Variants in ENAH observed in about 807,000 individuals in gnomAD.
The protein encoded by ENAH is protein enabled homolog.
ENAH carries 23 observed loss-of-function variants against 78.7 expected under a neutral mutation model. The observed-to-expected ratio is 0.29, with a 90% CI of 0.21 to 0.41. The LOEUF is 0.41. ENAH is among the 10% of genes least tolerant of loss of function. The pLI is 1.00. For missense variants in ENAH, 544 were observed against 691.0 expected (o/e 0.79, Z 2.39); for synonymous variants, 226 against 241.0 (o/e 0.94, Z 0.58).
rs747838323 is a variant in ENAH, at chr1:225,507,930, C to T, written c.1538+21G>A. 5.3e-6 allele frequency: 8 copies of T among 1,502,352 alleles called. No individual in the cohort carries two copies. In the African/African-American group the frequency reaches 1.1e-4, roughly 22 times the overall value. 93.1% of individuals were successfully genotyped at this position (1,502,352 alleles called of 1,614,324 possible). A position where few individuals can be genotyped will look rare whatever the true frequency, so the allele number is the denominator to read the frequency against. ...TTTTTTATACAAATAAAATATAAAA[C>T]TTAGAGAAAAAAATTGATACCTGGA... is the stretch of plus-strand genomic sequence containing the variant. On this transcript the variant is annotated intron_variant, in intron 11 of 13. Coordinates refer to ENST00000366843, the MANE Select transcript of ENAH (RefSeq NM_018212.6).
chr1:225,523,468 A>G (rs2096484546), intron 4 of ENAH, among the ~76,000 whole-genome samples: 1 of 152,080 alleles, frequency 6.6e-6, no homozygotes, highest in African/African-American at 2.4e-5. Context: ...GATATAGGAA[A>G]AGGACACAAT....
At chr1:225,555,478 A>G (rs1313697526) in intron 2 of ENAH, among the ~76,000 whole-genome samples, 2 of 151,948 alleles carry the variant, frequency 1.3e-5, no homozygotes, top group Non-Finnish European at 2.9e-5. Flanking sequence ...GCTACTCGGG[A>G]GGCTGAGGCA....
At chr1:225,559,732 G>A (rs2096689991) in intron 2 of ENAH, among the ~76,000 whole-genome samples, 1 of 152,102 alleles carries the variant, frequency 6.6e-6, no homozygotes, top group Non-Finnish European at 1.5e-5. Context: ...GAGACACAGA[G>A]AAATAAAAAA....
intron 1 of ENAH, among the ~76,000 whole-genome samples, chr1:225,609,656 ATTTTTTTT>A (rs59508510): frequency 5.2e-5 from 4 of 76,482 alleles, no homozygotes; most frequent in South Asian, 5.0e-4. Flanking sequence ...GGAAAAATGG[ATTTTTTTT>A]TTTTTTTTTT....
chr1:225,631,575 C>CAAA (rs397939130), intron 1 of ENAH, among the ~76,000 whole-genome samples: 17 of 71,472 alleles, frequency 2.4e-4, no homozygotes, highest in African/African-American at 3.0e-4. Flanking sequence ...CACCATCTCT[C>CAAA]AAAAAAAAAA....
At chr1:225,650,072 A>T (rs1575877514) in intron 1 of ENAH, among the ~76,000 whole-genome samples, 1 of 152,346 alleles carries the variant, frequency 6.6e-6, no homozygotes, top group East Asian at 1.9e-4. Flanking sequence ...AATATCCCAA[A>T]GAATATTCCA....
chr1:225,610,103 G>A (rs754773369), intron 1 of ENAH, among the ~76,000 whole-genome samples: 1 of 151,094 alleles, frequency 6.6e-6, no homozygotes, highest in African/African-American at 2.4e-5. Context: ...TTTAATTACA[G>A]AGGAAAGTAT....
At chr1:225,598,704 A>G (rs551850433) in intron 1 of ENAH, among the ~76,000 whole-genome samples, 18 of 152,284 alleles carry the variant, frequency 1.2e-4, no homozygotes, top group Non-Finnish European at 2.2e-4. Flanking sequence ...AAGAATGGGA[A>G]AAGGTGTAAA....
intron 4 of ENAH, among the ~76,000 whole-genome samples, chr1:225,525,492 G>C (rs2096496551): frequency 1.3e-5 from 2 of 152,142 alleles, no homozygotes; most frequent in Admixed American, 6.6e-5. Flanking sequence ...CCACGGTCAG[G>C]TTTTTCTATT....
intron 1 of ENAH, among the ~76,000 whole-genome samples, chr1:225,597,748 A>G (rs533257032): frequency 3.7e-4 from 56 of 152,234 alleles, no homozygotes; most frequent in African/African-American, 1.3e-3. Context: ...AAAACAAAAA[A>G]GAGTATTTTT....
intron 1 of ENAH, among the ~76,000 whole-genome samples, chr1:225,590,560 T>C (rs1438061541): frequency 6.6e-6 from 1 of 152,170 alleles, no homozygotes. Flanking sequence ...TACTTAGATA[T>C]CATACATACC....
At chr1:225,543,972 CAG>C (rs2096601439) in intron 3 of ENAH, among the ~76,000 whole-genome samples, 2 of 152,136 alleles carry the variant, frequency 1.3e-5, no homozygotes, top group African/African-American at 4.8e-5. Flanking sequence ...GGCGACCTGA[CAG>C]GGCACCATCA....
chr1:225,579,227 C>CTA (rs1303045823), intron 1 of ENAH, among the ~76,000 whole-genome samples: 1 of 152,182 alleles, frequency 6.6e-6, no homozygotes, highest in Non-Finnish European at 1.5e-5. Flanking sequence ...AAGATTCTGA[C>CTA]TATAAACTAT....
intron 4 of ENAH, among the ~76,000 whole-genome samples, chr1:225,527,266 C>CT (rs1463231211): frequency 6.6e-6 from 1 of 152,300 alleles, no homozygotes; most frequent in Admixed American, 6.5e-5. Flanking sequence ...TTTCACTCAA[C>CT]TTATGAAGTA....
Position 225,511,485 on chromosome 1 carries a change from C to T in ENAH, c.1471+326G>A, listed in dbSNP as rs150911332. On this transcript the variant is annotated intron_variant, in intron 10 of 13. Transcript: ENST00000366843. The stretch of plus-strand genomic sequence containing the variant: ...CACCCAAATGAATGGCTAGGACATC[C>T]TTCTCAATTTGAGAATGTTCTGAAG... Among the ~76,000 whole-genome samples the T allele has an allele frequency of 1.7e-3, 255 of 152,316 alleles. 1 individual carries two copies. The highest frequency in any genetic ancestry group is 5.7e-3 in the African/African-American group (238 of 41,580).
At chr1:225,572,788 T>G in intron 1 of ENAH, among the ~76,000 whole-genome samples, 1 of 152,224 alleles carries the variant, frequency 6.6e-6, no homozygotes, top group East Asian at 1.9e-4. Context: ...TTTGTGAAGA[T>G]CAGGCACTAA....
intron 1 of ENAH, among the ~76,000 whole-genome samples, chr1:225,639,911 G>T (rs1009351841): frequency 2.0e-5 from 3 of 152,142 alleles, no homozygotes; most frequent in African/African-American, 4.8e-5. Flanking sequence ...TATGTGTGGA[G>T]TCTACCTTAC....
At chr1:225,589,158 AGC>A (rs767254991) in intron 1 of ENAH, among the ~76,000 whole-genome samples, 49 of 152,320 alleles carry the variant, frequency 3.2e-4, no homozygotes, top group Non-Finnish European at 6.2e-4. Flanking sequence ...GGGGAGGCAA[AGC>A]GAGGAGTGAC....
intron 3 of ENAH, among the ~76,000 whole-genome samples, chr1:225,545,639 C>T (rs1354540133): frequency 6.6e-6 from 1 of 152,144 alleles, no homozygotes; most frequent in East Asian, 1.9e-4. Flanking sequence ...ATAATCCAGA[C>T]AGCTAGATTA....
Sources: gnomAD v4.1 joint callset for allele counts (sites outside exome capture counted in the v4.1 genomes callset) on GRCh38, gnomAD v4.1.1 for gene constraint, MANE v1.5 for transcripts, NCBI Gene and HGNC (gene_info 2026-07-23, HGNC 2026-07-21) for gene names.